Variants in OR8H3 observed in about 807,000 individuals in gnomAD.
OR8H3 encodes the protein olfactory receptor 8H3.
For synonymous variants in OR8H3, 143 were observed against 136.4 expected (o/e 1.05, Z -0.34); for missense variants, 381 against 370.8 (o/e 1.03, Z -0.23).
At position 56,122,794 on chromosome 11, in the gene OR8H3, G is replaced by T. The variant is rs558627864; in HGVS notation, c.422G>T (p.Cys141Phe). The change falls in exon 1 of 1, where the codon TGC becomes TTC. Residue 141 changes from cysteine (C) to phenylalanine (F), a missense_variant. By Grantham distance (205) the Cys-to-Phe change is radical (BLOSUM62 -2). Coordinates refer to ENST00000313472, the MANE Select transcript of OR8H3 (RefSeq NM_001005201.1). ...ACAGTTATTATGCCCAAAAGGCTCT[G>T]CCTCGCTCTCATCACTGGGCCTTAT... ...HYTVIMPKRLCLALITGPYVI... is the reference protein window; with the variant it reads ...HYTVIMPKRLFLALITGPYVI... The T allele has an allele frequency of 6.2e-7, 1 of 1,614,118 alleles. No homozygotes were observed. Among genetic ancestry groups the T allele is most frequent in the African/African-American group, 1.3e-5 (1 of 75,040 alleles).
In OR8H3 at chr11:56,122,733, G is replaced by C. The variant is rs758356667; in HGVS notation, c.361G>C (p.Asp121His). Residue 121 changes from aspartate (D) to histidine (H), a missense_variant, in exon 1 of 1, where the codon GAT (aspartate) becomes CAT (histidine). Transcript: ENST00000313472. Reference protein sequence around the residue: ...ECYLLSSMAYDRYAAICSPLH... With the variant: ...ECYLLSSMAYHRYAAICSPLH... ...TTATCTTCTCTCCTCAATGGCCTAT[G>C]ATCGCTATGCAGCGATCTGCAGTCC... is the stretch of plus-strand genomic sequence containing the variant. 7 of 1,614,146 alleles carry C rather than the reference G, an allele frequency of 4.3e-6. No individual in the cohort carries two copies. Among genetic ancestry groups the C allele is most frequent in the Non-Finnish European group, 5.9e-6 (7 of 1,180,026 alleles).
Position 56,123,186 on chromosome 11 carries a change from C to T in OR8H3, c.814C>T (p.Gln272Ter). The change falls in exon 1 of 1, where the codon CAA becomes TAA. Residue 272 changes from glutamine (Q) to a stop codon, truncating the protein, a stop_gained. Transcript: ENST00000313472. LOFTEE classifies it low-confidence loss of function (END_TRUNC). ...AAAGTCTTATTCCTTGGGAAGAGAT[C>T]AAGTGGCTCCTGTGTTTTATACTAT... The part of the protein sequence containing the change: ...PRKSYSLGRD[Q>*]VAPVFYTIVI... The T allele has an allele frequency of 6.2e-7, 1 of 1,613,234 alleles. No individual in the cohort carries two copies. The highest frequency in any genetic ancestry group is 8.5e-7 in the Non-Finnish European group (1 of 1,179,226).
chr11:56,122,680 G>C lies in OR8H3; in HGVS notation c.308G>C (p.Cys103Ser). ...SFTGCFAQMFCFVFLGTAECY... is the reference protein window; with the variant it reads ...SFTGCFAQMFSFVFLGTAECY... ...ACGGGCTGCTTTGCCCAGATGTTCT[G>C]TTTTGTCTTCTTGGGTACTGCTGAA... The change falls in exon 1 of 1, where the codon TGT (cysteine) becomes TCT (serine). Residue 103 changes from cysteine to serine, a missense_variant. Physicochemically the swap from Cys to Ser is moderately radical, Grantham distance 112. Transcript: ENST00000313472. The C allele has an allele frequency of 6.2e-7, 1 of 1,614,078 alleles. No individual in the cohort carries two copies. Among genetic ancestry groups the C allele is most frequent in the Non-Finnish European group, 8.5e-7 (1 of 1,179,996 alleles).
At position 56,122,499 on chromosome 11, in the gene OR8H3, A is replaced by AATTACT. The variant is rs1854199237; in HGVS notation, c.129_130insTACTAT (p.Asn43_Val44insTyrTyr). On this transcript the variant is annotated inframe_insertion, in exon 1 of 1. Coordinates refer to ENST00000313472, the MANE Select transcript of OR8H3 (RefSeq NM_001005201.1). ...CATATACCTAATTACTATGCTGGGG[A>AATTACT]ATGTGGGGATGCTATTGATAATCCG... The AATTACT allele has an allele frequency of 6.2e-7, 1 of 1,613,920 alleles. No individual in the cohort carries two copies. Among genetic ancestry groups the AATTACT allele is most frequent in the African/African-American group, 1.3e-5 (1 of 74,866 alleles).
Position 56,122,782 on chromosome 11 carries a change from C to T in OR8H3, c.410C>T (p.Pro137Leu). Residue 137 changes from proline (P) to leucine (L), a missense_variant, in exon 1 of 1, where the codon CCC becomes CTC. By Grantham distance (98) the Pro-to-Leu change is moderately conservative. Coordinates refer to ENST00000313472, the MANE Select transcript of OR8H3 (RefSeq NM_001005201.1). ...CSPLHYTVIM[P>L]KRLCLALITG... is the part of the protein sequence containing the mutation. ...CCTCTACACTACACAGTTATTATGC[C>T]CAAAAGGCTCTGCCTCGCTCTCATC... is the stretch of plus-strand genomic sequence containing the variant. 6.2e-7 allele frequency: 1 copy of T among 1,614,112 alleles called. No homozygotes were observed. The highest frequency in any genetic ancestry group is 1.1e-5 in the South Asian group (1 of 91,074).
Position 56,122,844 on chromosome 11 carries a change from G to C in OR8H3, c.472G>C (p.Val158Leu), listed in dbSNP as rs61743838. Residue 158 changes from valine to leucine, a missense_variant, in exon 1 of 1, where the codon GTC (valine) becomes CTC (leucine). Val to Leu is a conservative substitution (Grantham distance 32). Coordinates refer to ENST00000313472, the MANE Select transcript of OR8H3 (RefSeq NM_001005201.1). Reference sequence around the variant, plus strand: ...TGTGATTGGCTTTATGGACTCCTTTGTCAATGTGGTTTCCATGAGCAGATT... The same window carrying C: ...TGTGATTGGCTTTATGGACTCCTTTCTCAATGTGGTTTCCATGAGCAGATT... The part of the protein sequence containing the change: ...PYVIGFMDSF[V>L]NVVSMSRLHF... 119,274 of 1,613,756 alleles carry C rather than the reference G, an allele frequency of 0.074. 4,985 individuals are homozygous for C. The highest frequency in any genetic ancestry group is 0.083 in the Non-Finnish European group (97,369 of 1,179,800).
Position 56,122,688 on chromosome 11 carries a change from T to A in OR8H3, c.316T>A (p.Phe106Ile). The A allele has an allele frequency of 6.2e-7, 1 of 1,614,212 alleles. No homozygotes were observed. Among genetic ancestry groups the A allele is most frequent in the Non-Finnish European group, 8.5e-7 (1 of 1,180,028 alleles). ...CTTTGCCCAGATGTTCTGTTTTGTC[T>A]TCTTGGGTACTGCTGAATGTTATCT... is the stretch of plus-strand genomic sequence containing the variant. ...GCFAQMFCFVFLGTAECYLLS... is the reference protein window; with the variant it reads ...GCFAQMFCFVILGTAECYLLS... The change falls in exon 1 of 1, where the codon TTC becomes ATC. Residue 106 changes from phenylalanine (F) to isoleucine (I), a missense_variant. By Grantham distance (21) the Phe-to-Ile change is conservative (BLOSUM62 0). Transcript: ENST00000313472.
In OR8H3 at chr11:56,122,590, G is replaced by A. The variant is rs140843028; in HGVS notation, c.218G>A (p.Ser73Asn). Residue 73 changes from serine (S) to asparagine (N), a missense_variant, in exon 1 of 1, where the codon AGT becomes AAT. Coordinates refer to ENST00000313472, the MANE Select transcript of OR8H3 (RefSeq NM_001005201.1). ...ACTCACCTGTCATTTATTGACCTCAGTTACTCAACTGTCGTCACACCTAAA... is the reference window on the plus strand; with the variant it reads ...ACTCACCTGTCATTTATTGACCTCAATTACTCAACTGTCGTCACACCTAAA... ...FLTHLSFIDL[S>N]YSTVVTPKTL... 3,875 of 1,614,082 alleles carry A rather than the reference G, an allele frequency of 2.4e-3. 60 individuals are homozygous for A. In the African/African-American group the frequency reaches 0.041, roughly 17 times the overall value.
chr11:56,122,798 C>A lies in OR8H3; in HGVS notation c.426C>A (p.Leu142=). 1 of 1,614,142 alleles carries A rather than the reference C, an allele frequency of 6.2e-7. No homozygotes were observed. The highest frequency in any genetic ancestry group is 8.5e-7 in the Non-Finnish European group (1 of 1,180,000). The part of the protein sequence containing the change: ...YTVIMPKRLC[L]ALITGPYVIG... ...TTATTATGCCCAAAAGGCTCTGCCT[C>A]GCTCTCATCACTGGGCCTTATGTGA... The change falls in exon 1 of 1, where the codon CTC becomes CTA. Residue 142 remains leucine, a synonymous_variant. Coordinates refer to ENST00000313472, the MANE Select transcript of OR8H3 (RefSeq NM_001005201.1).
rs1401103351 is a variant in OR8H3, at chr11:56,123,097, T to C, written c.725T>C (p.Val242Ala). ...SGKQKAFSTC[V>A]SHLLGVTIFY... ...AAGCAGAAAGCTTTCTCTACTTGCGTCTCTCATCTCTTGGGAGTCACCATC... is the reference window on the plus strand; with the variant it reads ...AAGCAGAAAGCTTTCTCTACTTGCGCCTCTCATCTCTTGGGAGTCACCATC... The change falls in exon 1 of 1, where the codon GTC becomes GCC. Residue 242 changes from valine (V) to alanine (A), a missense_variant. Transcript: ENST00000313472. 1.2e-6 allele frequency: 2 copies of C among 1,614,082 alleles called. No individual in the cohort carries two copies. The highest frequency in any genetic ancestry group is 1.1e-5 in the South Asian group (1 of 91,084).
At position 56,122,378 on chromosome 11, in the gene OR8H3, G is replaced by T. The variant is rs149120024; in HGVS notation, c.6G>T (p.Met2Ile). The T allele has an allele frequency of 6.2e-7, 1 of 1,609,890 alleles. No individual in the cohort carries two copies. The highest frequency in any genetic ancestry group is 8.5e-7 in the Non-Finnish European group (1 of 1,177,522). The change falls in exon 1 of 1, where the codon ATG becomes ATT. Residue 2 changes from methionine to isoleucine, a missense_variant. Physicochemically the swap from Met to Ile is conservative, Grantham distance 10 (BLOSUM62 1). Coordinates refer to ENST00000313472, the MANE Select transcript of OR8H3 (RefSeq NM_001005201.1). MMGRRNDTNVAD... is the reference protein window; with the variant it reads MIGRRNDTNVAD... ...GCAGTTTAGAGCAGGTGAACATGAT[G>T]GGTAGAAGGAATGACACAAATGTGG...
At position 56,122,997 on chromosome 11, in the gene OR8H3, G is replaced by T; in HGVS notation, c.625G>T (p.Val209Leu). 3 of 1,614,158 alleles carry T rather than the reference G, an allele frequency of 1.9e-6. No individual in the cohort carries two copies. Among genetic ancestry groups the T allele is most frequent in the Non-Finnish European group, 2.5e-6 (3 of 1,180,028 alleles). The change falls in exon 1 of 1, where the codon GTG (valine) becomes TTG (leucine). Residue 209 changes from valine to leucine, a missense_variant. Val to Leu is a conservative substitution (Grantham distance 32). Transcript: ENST00000313472. ...CATTATCGCTGGTTCCACCCTGATGGTGTCCCTTATCACAATATCTGCATC... is the reference window on the plus strand; with the variant it reads ...CATTATCGCTGGTTCCACCCTGATGTTGTCCCTTATCACAATATCTGCATC... The part of the protein sequence containing the change: ...IFIIAGSTLM[V>L]SLITISASYV...
chr11:56,122,916 T>A lies in OR8H3; in HGVS notation c.544T>A (p.Ser182Thr), dbSNP rs1273484154. Reference sequence around the variant, plus strand: ...AATTCATCACTTTTTCTGTGACACTTCCCCAATTTTAGCTCTGTCCTGCAC... The same window carrying A: ...AATTCATCACTTTTTCTGTGACACTACCCCAATTTTAGCTCTGTCCTGCAC... ...NIIHHFFCDT[S>T]PILALSCTDT... The change falls in exon 1 of 1, where the codon TCC (serine) becomes ACC (threonine). Residue 182 changes from serine to threonine, a missense_variant. Coordinates refer to ENST00000313472, the MANE Select transcript of OR8H3 (RefSeq NM_001005201.1). 6.2e-7 allele frequency: 1 copy of A among 1,614,040 alleles called. No individual in the cohort carries two copies. The highest frequency in any genetic ancestry group is 8.5e-7 in the Non-Finnish European group (1 of 1,180,032).
Position 56,123,204 on chromosome 11 carries a change from T to C in OR8H3, c.832T>C (p.Tyr278His). Residue 278 changes from tyrosine to histidine, a missense_variant, in exon 1 of 1, where the codon TAT becomes CAT. Physicochemically the swap from Tyr to His is moderately conservative, Grantham distance 83. Transcript: ENST00000313472. ...AAGAGATCAAGTGGCTCCTGTGTTTTATACTATTGTGATTCCCATGCTGAA... is the reference window on the plus strand; with the variant it reads ...AAGAGATCAAGTGGCTCCTGTGTTTCATACTATTGTGATTCCCATGCTGAA... Reference protein sequence around the residue: ...LGRDQVAPVFYTIVIPMLNPL... With the variant: ...LGRDQVAPVFHTIVIPMLNPL... 4.3e-6 allele frequency: 7 copies of C among 1,613,332 alleles called. No homozygotes were observed. The highest frequency in any genetic ancestry group is 1.1e-5 in the South Asian group (1 of 91,070).
chr11:56,123,141 TTTAC>T lies in OR8H3; in HGVS notation c.777_780del (p.Tyr259Ter), dbSNP rs1565051810. Reference sequence around the variant, plus strand: ...CACCATCTTCTATGGAACTATGATTTTTACTTACTTAAAGCCAAGAAAGTCTTAT... The same window carrying T: ...CACCATCTTCTATGGAACTATGATTTTTACTTAAAGCCAAGAAAGTCTTAT... On this transcript the variant is annotated frameshift_variant, in exon 1 of 1. Coordinates refer to ENST00000313472, the MANE Select transcript of OR8H3 (RefSeq NM_001005201.1). LOFTEE classifies it low-confidence loss of function (END_TRUNC). 8 of 1,614,034 alleles carry T rather than the reference TTTAC, an allele frequency of 5.0e-6. No individual in the cohort carries two copies.
chr11:56,123,095 C>T lies in OR8H3; in HGVS notation c.723C>T (p.Cys241=), dbSNP rs61743017. 119,023 of 1,613,584 alleles carry T rather than the reference C, an allele frequency of 0.074. 4,983 individuals carry two copies. Among genetic ancestry groups the T allele is most frequent in the Non-Finnish European group, 0.082 (97,294 of 1,179,544 alleles). The change falls in exon 1 of 1, where the codon TGC becomes TGT. Residue 241 remains cysteine, a synonymous_variant. Transcript: ENST00000313472. ...GAAAGCAGAAAGCTTTCTCTACTTGCGTCTCTCATCTCTTGGGAGTCACCA... is the reference window on the plus strand; with the variant it reads ...GAAAGCAGAAAGCTTTCTCTACTTGTGTCTCTCATCTCTTGGGAGTCACCA... The part of the protein sequence containing the change: ...TSGKQKAFST[C]VSHLLGVTIF...
At position 56,122,591 on chromosome 11, in the gene OR8H3, T is replaced by C; in HGVS notation, c.219T>C (p.Ser73=). 2 of 1,614,154 alleles carry C rather than the reference T, an allele frequency of 1.2e-6. No homozygotes were observed. Among genetic ancestry groups the C allele is most frequent in the Non-Finnish European group, 1.7e-6 (2 of 1,180,012 alleles). ...CTCACCTGTCATTTATTGACCTCAG[T>C]TACTCAACTGTCGTCACACCTAAAA... ...FLTHLSFIDL[S]YSTVVTPKTL... The change falls in exon 1 of 1, where the codon AGT becomes AGC. Residue 73 remains serine (S), a synonymous_variant. Transcript: ENST00000313472.
At position 56,122,445 on chromosome 11, in the gene OR8H3, C is replaced by T. The variant is rs754273763; in HGVS notation, c.73C>T (p.Gln25Ter). 6.2e-7 allele frequency: 1 copy of T among 1,614,008 alleles called. No homozygotes were observed. The change falls in exon 1 of 1, where the codon CAG becomes TAG. Residue 25 changes from glutamine to a stop codon, truncating the protein, a stop_gained. Transcript: ENST00000313472. LOFTEE classifies it low-confidence loss of function (END_TRUNC). ...LTGLSDSEEV[Q>*]MALFMLFLLI... ...GGGACTGTCAGACTCTGAAGAGGTCCAGATGGCTCTGTTTATGCTATTTCT... is the reference window on the plus strand; with the variant it reads ...GGGACTGTCAGACTCTGAAGAGGTCTAGATGGCTCTGTTTATGCTATTTCT...
In OR8H3 at chr11:56,122,889, A is replaced by G. The variant is rs754898397; in HGVS notation, c.517A>G (p.Ile173Val). The G allele has an allele frequency of 1.5e-5, 24 of 1,614,038 alleles. No individual in the cohort carries two copies. Among genetic ancestry groups the G allele is most frequent in the African/African-American group, 2.7e-5 (2 of 74,924 alleles). ...MSRLHFCDSN[I>V]IHHFFCDTSP... ...CAGATTGCATTTCTGTGACTCAAAC[A>G]TAATTCATCACTTTTTCTGTGACAC... Residue 173 changes from isoleucine to valine, a missense_variant, in exon 1 of 1, where the codon ATA becomes GTA. Transcript: ENST00000313472.
Sources: allele counts gnomAD v4.1 joint callset, GRCh38; gene constraint gnomAD v4.1.1; transcripts MANE v1.5; gene names NCBI Gene and HGNC (gene_info 2026-07-23, HGNC 2026-07-21).